Variants in GIMAP8 observed in about 807,000 individuals in gnomAD.
The protein encoded by GIMAP8 is GTPase, IMAP family member 8, also known as GTPase IMAP family member 8.
A neutral mutation model predicts 35.6 loss-of-function variants in GIMAP8; 29 were observed. The observed-to-expected ratio is 0.81, with a 90% confidence interval of 0.61 to 1.11. GIMAP8 has a LOEUF of 1.11. GIMAP8 is among the 50% of genes most tolerant of loss of function. The pLI, the probability that GIMAP8 is intolerant of heterozygous loss-of-function variation, is 0.00. For synonymous variants in GIMAP8, 335 were observed against 308.7 expected (o/e 1.09, Z -0.89); for missense variants, 811 against 805.0 (o/e 1.01, Z -0.09).
chr7:150,477,598 A>G lies in GIMAP8; in HGVS notation c.1816A>G (p.Thr606Ala). 6.2e-7 allele frequency: 1 copy of G among 1,614,242 alleles called. No individual in the cohort carries two copies. The highest frequency in any genetic ancestry group is 8.5e-7 in the Non-Finnish European group (1 of 1,180,052). ...RRVCAFNNKE[T>A]GQAQETQVKA... The stretch of plus-strand genomic sequence containing the variant: ...AGTTTGTGCTTTTAACAACAAAGAA[A>G]CAGGCCAGGCCCAGGAAACCCAGGT... The change falls in exon 5 of 5, where the codon ACA (threonine) becomes GCA (alanine). Residue 606 changes from threonine (T) to alanine (A), a missense_variant. Transcript: ENST00000307271.
rs776309526 is a variant in GIMAP8, at chr7:150,477,514, T to C, written c.1732T>C (p.Phe578Leu). The C allele has an allele frequency of 1.9e-5, 30 of 1,614,214 alleles. No homozygotes were observed. Among genetic ancestry groups the C allele is most frequent in the Non-Finnish European group, 2.4e-5 (28 of 1,180,040 alleles). ...EDLGAGNLEDFMKNSDNKALR... is the reference protein window; with the variant it reads ...EDLGAGNLEDLMKNSDNKALR... ...CCTAGGGGCGGGGAATTTGGAAGAC[T>C]TCATGAAGAACTCAGATAACAAAGC... is the stretch of plus-strand genomic sequence containing the variant. Residue 578 changes from phenylalanine (F) to leucine (L), a missense_variant, in exon 5 of 5, where the codon TTC (phenylalanine) becomes CTC (leucine). Coordinates refer to ENST00000307271, the MANE Select transcript of GIMAP8 (RefSeq NM_175571.4).
Position 150,468,541 on chromosome 7 carries a change from A to C in GIMAP8, c.636+1207A>C, listed in dbSNP as rs142902664. Among the ~76,000 whole-genome samples the C allele has an allele frequency of 7.0e-3, 1,063 of 152,312 alleles. 16 individuals carry two copies. The highest frequency in any genetic ancestry group is 0.024 in the African/African-American group (1,015 of 41,542). Reference sequence around the variant, plus strand: ...CCGTACTATGGAATAAATTCTATCTACTTAAAGAATGATGTAGTTCTATCT... The same window carrying C: ...CCGTACTATGGAATAAATTCTATCTCCTTAAAGAATGATGTAGTTCTATCT... On this transcript the variant is annotated intron_variant, in intron 2 of 4. Coordinates refer to ENST00000307271, the MANE Select transcript of GIMAP8 (RefSeq NM_175571.4).
intron 1 of GIMAP8, among the ~76,000 whole-genome samples, chr7:150,465,065 T>TA (rs1801922836): frequency 1.3e-5 from 2 of 152,220 alleles, no homozygotes; most frequent in Admixed American, 1.3e-4. Flanking sequence ...CTTTTATTTG[T>TA]TGTTGTTCAG....
chr7:150,459,111 G>T (rs567985156), intron 1 of GIMAP8, among the ~76,000 whole-genome samples: 4 of 152,176 alleles, frequency 2.6e-5, no homozygotes, highest in Non-Finnish European at 5.9e-5. Flanking sequence ...TAGTAGCCCT[G>T]CCTGGATTGG....
In GIMAP8 at chr7:150,472,835, A is replaced by G. The variant is rs770790072; in HGVS notation, c.683-1177A>G. On this transcript the variant is annotated intron_variant, in intron 3 of 4. Coordinates refer to ENST00000307271, the MANE Select transcript of GIMAP8 (RefSeq NM_175571.4). This position sits in a 1 kb window ranked among gnomAD's most constrained non-coding sequence, Gnocchi z 4.1. ...TATGGGCAAAAGTCCTGAAGTCTGT[A>G]AAGGAGAGTAGGGGGGAGTGTGAGG... Among the ~76,000 whole-genome samples the G allele has an allele frequency of 9.9e-5, 15 of 152,110 alleles. No individual in the cohort carries two copies. The highest frequency in any genetic ancestry group is 1.9e-4 in the Non-Finnish European group (13 of 68,026).
Position 150,474,334 on chromosome 7 carries a change from T to C in GIMAP8, c.1005T>C (p.Phe335=). 6.2e-7 allele frequency: 1 copy of C among 1,614,186 alleles called. No homozygotes were observed. The highest frequency in any genetic ancestry group is 8.5e-7 in the Non-Finnish European group (1 of 1,180,018). Residue 335 remains phenylalanine, a synonymous_variant, in exon 4 of 5, where the codon TTT becomes TTC. Coordinates refer to ENST00000307271, the MANE Select transcript of GIMAP8 (RefSeq NM_175571.4). ...TCCTGCTGGTGACACCACTGGGCTTTTACACTAAGAATGATGAGGCAGTGC... is the reference window on the plus strand; with the variant it reads ...TCCTGCTGGTGACACCACTGGGCTTCTACACTAAGAATGATGAGGCAGTGC... The part of the protein sequence containing the change: ...HAFLLVTPLG[F]YTKNDEAVLS...
chr7:150,466,670 G>C lies in GIMAP8; in HGVS notation c.-28-1G>C. The C allele has an allele frequency of 6.2e-7, 1 of 1,607,702 alleles. No individual in the cohort carries two copies. Among genetic ancestry groups the C allele is most frequent in the African/African-American group, 1.3e-5 (1 of 74,926 alleles). Reference sequence around the variant, plus strand: ...TAATGTGTTGTTTTCTGTCCCAACAGAACAAGCGGGAGCCTGTGTCAGGAA... The same window carrying C: ...TAATGTGTTGTTTTCTGTCCCAACACAACAAGCGGGAGCCTGTGTCAGGAA... On this transcript the variant is annotated splice_acceptor_variant, in intron 1 of 4. Transcript: ENST00000307271. LOFTEE classifies it low-confidence loss of function (5UTR_SPLICE).
rs1801974775 is a variant in GIMAP8 at position 150,466,919 on chromosome 7, C to T, written c.221C>T (p.Ala74Val). 6.2e-7 allele frequency: 1 copy of T among 1,614,206 alleles called. No individual in the cohort carries two copies. The highest frequency in any genetic ancestry group is 8.5e-7 in the Non-Finnish European group (1 of 1,180,032). Residue 74 changes from alanine to valine, a missense_variant, in exon 2 of 5, where the codon GCT becomes GTT. By Grantham distance (64) the Ala-to-Val change is moderately conservative (BLOSUM62 0). Coordinates refer to ENST00000307271, the MANE Select transcript of GIMAP8 (RefSeq NM_175571.4). ...ACCCCTGACCTTTTCTCCTCAATAG[C>T]TTGTGCTGAAGACAAGCAACGCAAC... ...IDTPDLFSSI[A>V]CAEDKQRNIQ... is the part of the protein sequence containing the mutation.
intron 3 of GIMAP8, among the ~76,000 whole-genome samples, chr7:150,471,075 C>A (rs537104349): frequency 6.6e-6 from 1 of 152,118 alleles, no homozygotes; most frequent in Non-Finnish European, 1.5e-5. Flanking sequence ...GTTCCTGGAC[C>A]CAGCGAGGGT....
chr7:150,467,266 G>A lies in GIMAP8; in HGVS notation c.568G>A (p.Glu190Lys). The A allele has an allele frequency of 1.9e-6, 3 of 1,614,230 alleles. No homozygotes were observed. Among genetic ancestry groups the A allele is most frequent in the Non-Finnish European group, 2.5e-6 (3 of 1,180,034 alleles). ...GGTGTTGGAGCTCCTTCGCAAGGTT[G>A]AGTCTTTGGTGAATACGAACGGAGG... ...TQVLELLRKVESLVNTNGGPY... is the reference protein window; with the variant it reads ...TQVLELLRKVKSLVNTNGGPY... The change falls in exon 2 of 5, where the codon GAG becomes AAG. Residue 190 changes from glutamate to lysine, a missense_variant. By Grantham distance (56) the Glu-to-Lys change is moderately conservative. Transcript: ENST00000307271.
At chr7:150,476,672 G>C (rs1221806157) in intron 4 of GIMAP8, among the ~76,000 whole-genome samples, 1 of 152,226 alleles carries the variant, frequency 6.6e-6, no homozygotes, top group East Asian at 1.9e-4. Flanking sequence ...TTGGGAGTGA[G>C]AAGATGTAGT....
intron 1 of GIMAP8, among the ~76,000 whole-genome samples, chr7:150,463,381 A>C (rs75207719): frequency 0.021 from 3,219 of 152,232 alleles, 97 homozygotes; most frequent in African/African-American, 0.07. Flanking sequence ...AGAATTATTG[A>C]GTTCCTTTGG....
At chr7:150,460,205 C>T (rs1801814557) in intron 1 of GIMAP8, among the ~76,000 whole-genome samples, 1 of 152,186 alleles carries the variant, frequency 6.6e-6, no homozygotes, top group South Asian at 2.1e-4. Flanking sequence ...AAGAGGCTGA[C>T]TGGGATCCAC....
intron 3 of GIMAP8, 85 bp downstream of exon 3, chr7:150,470,959 C>T: frequency 9.5e-7 from 1 of 1,048,010 alleles, no homozygotes; most frequent in Non-Finnish European, 1.5e-6. Context: ...GAAACATTAT[C>T]CATATAAACC....
chr7:150,471,676 A>T (rs1802095861), intron 3 of GIMAP8, among the ~76,000 whole-genome samples: 2 of 152,184 alleles, frequency 1.3e-5, no homozygotes, highest in Admixed American at 1.3e-4. Context: ...GTCTCTACTA[A>T]AAATACAAAA....
chr7:150,453,550 C>T (rs1801665362), intron 1 of GIMAP8, among the ~76,000 whole-genome samples: 1 of 152,228 alleles, frequency 6.6e-6, no homozygotes. Flanking sequence ...CAAATTGCTG[C>T]ACAGAAAAAG....
At chr7:150,457,120 A>T (rs1801746118) in intron 1 of GIMAP8, among the ~76,000 whole-genome samples, 1 of 152,230 alleles carries the variant, frequency 6.6e-6, no homozygotes, top group Non-Finnish European at 1.5e-5. Flanking sequence ...CCCGTGATAA[A>T]TATCTTTTCT....
intron 1 of GIMAP8, among the ~76,000 whole-genome samples, chr7:150,454,634 C>A (rs1801688752): frequency 6.6e-6 from 1 of 152,120 alleles, no homozygotes; most frequent in Non-Finnish European, 1.5e-5. Flanking sequence ...GCTGCACATT[C>A]TTTTTGAGCC....
rs1483308138 is a variant in GIMAP8, at chr7:150,450,703, T to G, written c.-501T>G. ...AACAGGAACTGGCTTGACGTCCTTT[T>G]CCTGCCCTATCCAAGCCCCTGTTCT... On this transcript the variant is annotated 5_prime_UTR_variant, in exon 1 of 5. Transcript: ENST00000307271. This position sits in a 1 kb window ranked among gnomAD's most constrained non-coding sequence, Gnocchi z 4.4. The G allele has an allele frequency of 6.6e-6, 1 of 152,334 alleles. No homozygotes were observed. The highest frequency in any genetic ancestry group is 1.5e-5 in the Non-Finnish European group (1 of 68,138). 9.4% of individuals were successfully genotyped at this position (152,334 alleles called of 1,614,324 possible).
Sources: allele counts gnomAD v4.1 joint callset (sites outside exome capture counted in the v4.1 genomes callset), GRCh38; gene constraint gnomAD v4.1.1; non-coding constraint Gnocchi (gnomAD v3.1); transcripts MANE v1.5; gene names NCBI Gene and HGNC (gene_info 2026-07-23, HGNC 2026-07-21).